Variants in EXPH5 observed in about 807,000 individuals in gnomAD.
EXPH5 encodes exophilin-5.
EXPH5 carries 42 observed loss-of-function variants against 41.1 expected under a neutral mutation model. The ratio of observed to expected loss-of-function variants is 1.02; its 90% CI spans 0.80 to 1.32. The LOEUF (loss-of-function observed/expected upper bound fraction) is 1.32, where lower values mean the gene tolerates loss of function less well. Among genes scored for constraint, EXPH5 ranks in the 40% most tolerant of loss-of-function variants. EXPH5 has a pLI of 0.00. For synonymous variants in EXPH5, 798 were observed against 833.5 expected (o/e 0.96, Z 0.73); for missense variants, 2,298 against 2,314.5 (o/e 0.99, Z 0.15).
At chr11:108,596,018 A>G (rs2640740), upstream of EXPH5, among the ~76,000 whole-genome samples, 120,960 of 151,926 alleles carry the variant, frequency 0.8, 49,946 homozygotes, top group Non-Finnish European at 0.91. Context: ...TGGCTAACAC[A>G]GTGAAACCCC....
At position 108,549,044 on chromosome 11, in the gene EXPH5, C is replaced by T. The variant is rs573032559; in HGVS notation, c.120-7232G>A. Among the ~76,000 whole-genome samples, 3 of 152,326 alleles carry T rather than the reference C, an allele frequency of 2.0e-5. No homozygotes were observed. The East Asian group carries it at 5.8e-4, about 29-fold the overall frequency. On this transcript the variant is annotated intron_variant, in intron 1 of 5. Coordinates refer to ENST00000265843, the MANE Select transcript of EXPH5 (RefSeq NM_015065.3). ...CTTCCATGTGGGCTTGTTATATGTTCAGCACCAACTGGGATGTACCATCCA... is the reference window on the plus strand; with the variant it reads ...CTTCCATGTGGGCTTGTTATATGTTTAGCACCAACTGGGATGTACCATCCA...
intron 1 of EXPH5, among the ~76,000 whole-genome samples, chr11:108,584,958 A>C (rs1433831397): frequency 6.6e-6 from 1 of 152,240 alleles, no homozygotes; most frequent in Non-Finnish European, 1.5e-5. Flanking sequence ...TAGGAAAGTT[A>C]AGACAAGCTA....
At chr11:108,592,947 C>G (rs767853714) in intron 1 of EXPH5, among the ~76,000 whole-genome samples, 5 of 152,238 alleles carry the variant, frequency 3.3e-5, no homozygotes, top group Non-Finnish European at 5.9e-5. Flanking sequence ...CCTCTGGTGC[C>G]GAGGGAAAAC....
chr11:108,552,163 A>AGGCT lies in EXPH5; in HGVS notation c.120-10352_120-10351insAGCC, dbSNP rs1182736326. 4 of 137,138 alleles carry AGGCT rather than the reference A, an allele frequency of 2.9e-5. No homozygotes were observed. The East Asian group carries it at 8.8e-4, about 30-fold the overall frequency. 8.5% of individuals were successfully genotyped at this position (137,138 alleles called of 1,614,324 possible). A position where few individuals can be genotyped will look rare whatever the true frequency, so the allele number is the denominator to read the frequency against. ...AATCAGAAAGAGGCAGAGTGAAGGA[A>AGGCT]GAGAAAGCCCTGTGGTTCAGTGGCT... On this transcript the variant is annotated intron_variant, in intron 1 of 5. Transcript: ENST00000265843.
At chr11:108,597,987 C>T (rs1032573071), upstream of EXPH5, among the ~76,000 whole-genome samples, 3 of 152,130 alleles carry the variant, frequency 2.0e-5, no homozygotes, top group African/African-American at 4.8e-5. Context: ...AAAACGTTAG[C>T]TTCTAATGCA....
chr11:108,602,321 T>G, the EXPH5 span, among the ~76,000 whole-genome samples: 1 of 152,226 alleles, frequency 6.6e-6, no homozygotes, highest in Non-Finnish European at 1.5e-5. Context: ...TTACAGCTGT[T>G]CTTTACCTCT....
At chr11:108,581,404 G>A (rs978138145) in intron 1 of EXPH5, among the ~76,000 whole-genome samples, 3 of 152,058 alleles carry the variant, frequency 2.0e-5, no homozygotes, top group African/African-American at 7.2e-5. Flanking sequence ...AATGATAAAT[G>A]TTTGAGATTA....
Position 108,505,997 on chromosome 11 carries a change from T to C in EXPH5, c.*3540A>G, listed in dbSNP as rs2093642358. ...AGAGGGGAGTCTCTAAAAATTAAAA[T>C]AACTTCATTAAACCCTATTTTAAAC... On this transcript the variant is annotated 3_prime_UTR_variant, in exon 6 of 6. Transcript: ENST00000265843. The C allele has an allele frequency of 6.6e-6, 1 of 152,206 alleles. No individual in the cohort carries two copies. The highest frequency in any genetic ancestry group is 1.5e-5 in the Non-Finnish European group (1 of 68,016). The allele number at this position is 152,206 out of a possible 1,614,324, so 9.4% of individuals were successfully genotyped here.
At chr11:108,555,120 C>G (rs1481668132) in intron 1 of EXPH5, among the ~76,000 whole-genome samples, 1 of 152,232 alleles carries the variant, frequency 6.6e-6, no homozygotes, top group Non-Finnish European at 1.5e-5. Flanking sequence ...ATGGCAAGCT[C>G]AAGACAAGAG....
In EXPH5 at chr11:108,513,578, A is replaced by G; in HGVS notation, c.1929T>C (p.Ser643=). The G allele has an allele frequency of 4.3e-6, 7 of 1,614,008 alleles. No homozygotes were observed. The highest frequency in any genetic ancestry group is 5.1e-6 in the Non-Finnish European group (6 of 1,179,986). ...TGACTGTGGGATTCTGCAAGTTGGG[A>G]CTCTGAGGATTCCTTCTGTCATCAG... ...QISDDRRNPQ[S]PNLQNPTVTL... The change falls in exon 6 of 6, where the codon AGT becomes AGC. Residue 643 remains serine, a synonymous_variant. Coordinates refer to ENST00000265843, the MANE Select transcript of EXPH5 (RefSeq NM_015065.3).
At chr11:108,557,047 C>G (rs1006173226) in intron 1 of EXPH5, among the ~76,000 whole-genome samples, 3 of 152,242 alleles carry the variant, frequency 2.0e-5, no homozygotes, top group Admixed American at 6.5e-5. Flanking sequence ...CTGAAATGCT[C>G]TTCCCTATTT....
chr11:108,539,167 T>C lies in EXPH5; in HGVS notation c.300A>G (p.Thr100=), dbSNP rs145923218. 5.6e-6 allele frequency: 9 copies of C among 1,598,668 alleles called. No individual in the cohort carries two copies. The African/African-American group carries it at 1.1e-4, about 19-fold the overall frequency. The change falls in exon 3 of 6, where the codon ACA becomes ACG. Residue 100 remains threonine, a synonymous_variant. Transcript: ENST00000265843. The stretch of plus-strand genomic sequence containing the variant: ...GATTAGTTACATTTTTAGATCTTGA[T>C]GTAGGTAATTCTATCGGATCTAGAA... The part of the protein sequence containing the change: ...MAKNDPIELP[T]SRSKNVTNQK...
rs377158104 is a variant in EXPH5, at chr11:108,526,855, T to C, written c.492+1281A>G. 2.0e-5 allele frequency among the ~76,000 whole-genome samples: 3 copies of C among 152,338 alleles called. No individual in the cohort carries two copies. In the South Asian group the frequency reaches 6.2e-4, roughly 32 times the overall value. On this transcript the variant is annotated intron_variant, in intron 4 of 5. Transcript: ENST00000265843. ...GGGGAGAATAATAGTACCTCTTTTATAGAGTTTCTCTGGGGATTAAACGAA... is the reference window on the plus strand; with the variant it reads ...GGGGAGAATAATAGTACCTCTTTTACAGAGTTTCTCTGGGGATTAAACGAA...
At chr11:108,518,189 C>G in intron 5 of EXPH5, 46 bp downstream of exon 5, 1 of 1,567,872 alleles carries the variant, frequency 6.4e-7, no homozygotes, top group Non-Finnish European at 8.7e-7. Context: ...TGTTTACTTC[C>G]TTTAGTTATC....
At chr11:108,550,091 G>C (rs1193305603) in intron 1 of EXPH5, among the ~76,000 whole-genome samples, 1 of 152,204 alleles carries the variant, frequency 6.6e-6, no homozygotes, top group Non-Finnish European at 1.5e-5. Context: ...CTGTTAAGAG[G>C]CACCTCCTTT....
intron 4 of EXPH5, 70 bp from the exon 5 acceptor site, chr11:108,518,443 C>T: frequency 1.4e-6 from 2 of 1,381,354 alleles, no homozygotes. Context: ...CACGCTCCCA[C>T]CAAACTGTCC....
At chr11:108,550,535 T>C (rs1442498152) in intron 1 of EXPH5, among the ~76,000 whole-genome samples, 1 of 152,156 alleles carries the variant, frequency 6.6e-6, no homozygotes, top group Non-Finnish European at 1.5e-5. Flanking sequence ...TCCCATCACT[T>C]TGGGAGACCG....
chr11:108,607,223 G>A, the EXPH5 span, among the ~76,000 whole-genome samples: 1 of 152,122 alleles, frequency 6.6e-6, no homozygotes, highest in Non-Finnish European at 1.5e-5. Context: ...CTGAAAGACA[G>A]AAAGAATTCT....
chr11:108,538,777 C>T (rs1293319519), intron 3 of EXPH5, among the ~76,000 whole-genome samples: 2 of 152,284 alleles, frequency 1.3e-5, no homozygotes, highest in East Asian at 3.9e-4. Flanking sequence ...ATATTTAACC[C>T]ATCACTCACC....
Sources: allele counts gnomAD v4.1 joint callset (sites outside exome capture counted in the v4.1 genomes callset), GRCh38; gene constraint gnomAD v4.1.1; transcripts MANE v1.5; gene names NCBI Gene and HGNC (gene_info 2026-07-23, HGNC 2026-07-21).